Variants in ASTN2 observed in about 807,000 individuals in gnomAD.
ASTN2 encodes the protein astrotactin-2.
A neutral mutation model predicts 139.8 loss-of-function variants in ASTN2; 54 were observed. That is an observed-to-expected ratio of 0.39 (90% CI 0.31 to 0.48). The LOEUF is 0.48. ASTN2 is among the 20% of genes least tolerant of loss of function. ASTN2 has a pLI of 0.95. For missense variants in ASTN2, 1,565 were observed against 1,725.1 expected (o/e 0.91, Z 1.64); for synonymous variants, 756 against 719.5 (o/e 1.05, Z -0.81).
At chr9:116,989,749 A>AG in intron 7 of ASTN2, among the ~76,000 whole-genome samples, 1 of 152,050 alleles carries the variant, frequency 6.6e-6, no homozygotes, top group South Asian at 2.1e-4. Flanking sequence ...AGGCCCAGCT[A>AG]ATTTTTGTAA....
chr9:116,704,522 A>G (rs1361850365), intron 16 of ASTN2, among the ~76,000 whole-genome samples: 3 of 152,208 alleles, frequency 2.0e-5, no homozygotes, highest in Admixed American at 6.5e-5. Context: ...TATAAATGGG[A>G]TAGTATATGT....
intron 2 of ASTN2, among the ~76,000 whole-genome samples, chr9:117,220,417 A>T (rs1056464012): frequency 6.6e-6 from 1 of 151,936 alleles, no homozygotes; most frequent in East Asian, 1.9e-4. Flanking sequence ...GCACCCTCTC[A>T]CTCACTCGAC....
At chr9:117,269,314 G>T (rs747176968) in intron 2 of ASTN2, among the ~76,000 whole-genome samples, 3 of 152,196 alleles carry the variant, frequency 2.0e-5, no homozygotes, top group Non-Finnish European at 2.9e-5. Flanking sequence ...AGCATAACAG[G>T]TGCCTTTGCT....
At chr9:116,591,031 A>G (rs776124218) in intron 19 of ASTN2, among the ~76,000 whole-genome samples, 21 of 152,318 alleles carry the variant, frequency 1.4e-4, no homozygotes, top group South Asian at 6.2e-4. Context: ...TTTTCCTGGA[A>G]GCAGGACAAG....
chr9:117,056,168 C>G (rs1839058343), intron 5 of ASTN2, among the ~76,000 whole-genome samples: 1 of 152,218 alleles, frequency 6.6e-6, no homozygotes, highest in Non-Finnish European at 1.5e-5. Flanking sequence ...AAGCCCTGAG[C>G]TGGGGGACTG....
At position 116,975,616 on chromosome 9, in the gene ASTN2, G is replaced by A. The variant is rs190893101; in HGVS notation, c.1752-271C>T. Among the ~76,000 whole-genome samples the A allele has an allele frequency of 7.1e-3, 1,080 of 152,210 alleles. 10 individuals are homozygous for A. Among genetic ancestry groups the A allele is most frequent in the Non-Finnish European group, 9.3e-3 (635 of 68,002 alleles). The stretch of plus-strand genomic sequence containing the variant: ...CTCTGTGAGGATAGGGACCATTGCC[G>A]CTCTGATTTTCCAGCAGTCCTGACA... On this transcript the variant is annotated intron_variant, in intron 9 of 22. Transcript: ENST00000313400.
At chr9:117,254,316 G>A (rs943946723) in intron 2 of ASTN2, among the ~76,000 whole-genome samples, 4 of 152,146 alleles carry the variant, frequency 2.6e-5, no homozygotes, top group African/African-American at 9.7e-5. Flanking sequence ...AAATGTTTGT[G>A]TAGTGATTAA....
chr9:116,927,808 G>T (rs57687870), intron 10 of ASTN2, among the ~76,000 whole-genome samples: 1 of 152,150 alleles, frequency 6.6e-6, no homozygotes, highest in African/African-American at 2.4e-5. Context: ...GCTCACATAA[G>T]TGTTCTTGGA....
intron 1 of ASTN2, among the ~76,000 whole-genome samples, chr9:117,302,119 T>C (rs1490796299): frequency 6.6e-6 from 1 of 151,886 alleles, no homozygotes; most frequent in Non-Finnish European, 1.5e-5. Context: ...CAGTACCAAA[T>C]ATAAAGAAAA....
At position 117,374,762 on chromosome 9, in the gene ASTN2, G is replaced by A. The variant is rs541855963; in HGVS notation, c.442+39735C>T. On this transcript the variant is annotated intron_variant, in intron 1 of 22. Coordinates refer to ENST00000313400, the MANE Select transcript of ASTN2 (RefSeq NM_001365068.1). ...GAGACCTGGGGTTAACAGAAGTAAG[G>A]TACAAATAAGGGCTAGTTTCTCACC... is the stretch of plus-strand genomic sequence containing the variant. Among the ~76,000 whole-genome samples the A allele has an allele frequency of 2.6e-5, 4 of 152,222 alleles. No individual in the cohort carries two copies. In the South Asian group the frequency reaches 8.3e-4, roughly 32 times the overall value.
At chr9:117,220,031 G>A (rs1325802619) in intron 2 of ASTN2, among the ~76,000 whole-genome samples, 1 of 152,176 alleles carries the variant, frequency 6.6e-6, no homozygotes, top group Non-Finnish European at 1.5e-5. Flanking sequence ...TTAAAATGAG[G>A]CTGATAGTTC....
intron 6 of ASTN2, among the ~76,000 whole-genome samples, chr9:117,012,866 G>C (rs1386876483): frequency 6.6e-6 from 1 of 152,324 alleles, no homozygotes; most frequent in Admixed American, 6.5e-5. Context: ...CTGTGCTAGA[G>C]TGTCATTCAT....
At chr9:117,326,142 T>G (rs566640895) in intron 1 of ASTN2, among the ~76,000 whole-genome samples, 20 of 152,058 alleles carry the variant, frequency 1.3e-4, no homozygotes, top group Non-Finnish European at 5.9e-5. Context: ...AAATTCTCAT[T>G]TTTTTCTCAC....
chr9:116,585,195 T>C (rs1369048660), intron 19 of ASTN2: 2 of 152,216 alleles, frequency 1.3e-5, no homozygotes, highest in African/African-American at 4.8e-5. Flanking sequence ...AGGACTCAGA[T>C]AGACCTGGAT....
intron 19 of ASTN2, among the ~76,000 whole-genome samples, chr9:116,614,664 A>C (rs1855744969): frequency 6.6e-6 from 1 of 152,348 alleles, no homozygotes; most frequent in South Asian, 2.1e-4. Context: ...AAAACTGGCT[A>C]GCCATATGTA....
intron 16 of ASTN2, among the ~76,000 whole-genome samples, chr9:116,722,832 G>T (rs903254055): frequency 7.9e-5 from 12 of 152,076 alleles, no homozygotes; most frequent in African/African-American, 2.9e-4. Flanking sequence ...ACACTTACAG[G>T]ATTGTCTTTA....
chr9:116,919,255 A>G (rs1014319609), intron 10 of ASTN2, among the ~76,000 whole-genome samples: 2 of 152,170 alleles, frequency 1.3e-5, no homozygotes, highest in African/African-American at 4.8e-5. Context: ...ATGGAGGTGG[A>G]GGGCAAGGAG....
chr9:116,784,067 A>C (rs1830296300), intron 13 of ASTN2, among the ~76,000 whole-genome samples: 1 of 152,238 alleles, frequency 6.6e-6, no homozygotes, highest in Non-Finnish European at 1.5e-5. Flanking sequence ...TATGAGACAC[A>C]GTATTTTTTA....
At chr9:116,671,137 T>TA (rs1859172283) in intron 16 of ASTN2, among the ~76,000 whole-genome samples, 1 of 152,064 alleles carries the variant, frequency 6.6e-6, no homozygotes, top group Admixed American at 6.6e-5. Flanking sequence ...ATTAAGTAAA[T>TA]AAAATCCCAA....
Sources: allele counts gnomAD v4.1 joint callset (sites outside exome capture counted in the v4.1 genomes callset), GRCh38; gene constraint gnomAD v4.1.1; transcripts MANE v1.5; gene names NCBI Gene and HGNC (gene_info 2026-07-23, HGNC 2026-07-21).